NBAS: variants seen among roughly 807,000 people sequenced by gnomAD.
The protein encoded by NBAS is NBAS subunit of NRZ tethering complex.
Under a neutral mutation model 302.5 loss-of-function variants are expected in NBAS, and 219 were observed. The observed-to-expected ratio is 0.72, with a 90% confidence interval of 0.65 to 0.81. The LOEUF is 0.81. NBAS is among the 30% of genes least tolerant of loss of function. The probability of loss-of-function intolerance (pLI) is 0.00; values close to 1 mark genes in which losing one functional copy is unlikely to be tolerated. For missense variants in NBAS, 2,932 were observed against 2,841.6 expected, an observed-to-expected ratio of 1.03 and a Z score of -0.72; for synonymous variants, 1,118 against 1,021.6, an observed-to-expected ratio of 1.09 and a Z score of -1.80.
chr2:14,860,672 G>A, the NBAS span, among the ~76,000 whole-genome samples: 1 of 152,128 alleles, frequency 6.6e-6, no homozygotes, highest in Non-Finnish European at 1.5e-5. Context: ...AGTTACCAGA[G>A]GCTGGAAGGA....
the NBAS span, among the ~76,000 whole-genome samples, chr2:14,880,109 G>A: frequency 6.6e-6 from 1 of 152,224 alleles, no homozygotes; most frequent in Admixed American, 6.5e-5. Context: ...AGAAGACCCT[G>A]TTGAACAACA....
the NBAS span, among the ~76,000 whole-genome samples, chr2:14,975,353 C>T: frequency 6.6e-6 from 1 of 152,242 alleles, no homozygotes; most frequent in Non-Finnish European, 1.5e-5. Context: ...GTCACTGCCT[C>T]TTCCATCTTT....
At chr2:15,426,842 G>A (rs1259251044) in intron 22 of NBAS, among the ~76,000 whole-genome samples, 1 of 152,048 alleles carries the variant, frequency 6.6e-6, no homozygotes, top group African/African-American at 2.4e-5. Context: ...TTCGTTTGTT[G>A]GCTTCATTAT....
chr2:15,524,136 A>G (rs1662808175), intron 9 of NBAS, among the ~76,000 whole-genome samples: 1 of 152,228 alleles, frequency 6.6e-6, no homozygotes, highest in African/African-American at 2.4e-5. Flanking sequence ...GCTTTATCAT[A>G]ACCACTACTC....
At chr2:14,791,696 C>T in the NBAS span, among the ~76,000 whole-genome samples, 6 of 151,718 alleles carry the variant, frequency 4.0e-5, no homozygotes, top group Non-Finnish European at 8.8e-5. Flanking sequence ...CCCAGCTACT[C>T]GGGAAGCTGA....
chr2:15,028,549 A>C, the NBAS span, among the ~76,000 whole-genome samples: 1 of 152,336 alleles, frequency 6.6e-6, no homozygotes, highest in South Asian at 2.1e-4. Flanking sequence ...ATTGTACCGG[A>C]ATAAAATCCA....
chr2:14,947,542 C>A, the NBAS span, among the ~76,000 whole-genome samples: 5 of 152,062 alleles, frequency 3.3e-5, no homozygotes, highest in East Asian at 9.7e-4. Context: ...TTGGTAGAGT[C>A]TTTAGGTTTT....
the NBAS span, among the ~76,000 whole-genome samples, chr2:14,910,282 G>T: frequency 6.6e-6 from 1 of 152,154 alleles, no homozygotes; most frequent in South Asian, 2.1e-4. Flanking sequence ...AGGACCAGTT[G>T]CCCAAAGTCA....
At chr2:15,413,558 G>A (rs1009715646) in intron 25 of NBAS, among the ~76,000 whole-genome samples, 4 of 152,154 alleles carry the variant, frequency 2.6e-5, no homozygotes, top group African/African-American at 9.7e-5. Context: ...CCAAACAAAG[G>A]AAACAGTCTG....
In NBAS at chr2:15,352,049, A is replaced by G. The variant is rs138409950; in HGVS notation, c.4122T>C (p.His1374=). 6.2e-7 allele frequency: 1 copy of G among 1,611,388 alleles called. No individual in the cohort carries two copies. Among genetic ancestry groups the G allele is most frequent in the African/African-American group, 1.3e-5 (1 of 74,820 alleles). ...CACTGATATTTTCCCCTCCTTCATG[A>G]TGGATCTGGAAATTCACTCTTTGAT... ...ILYQRVNFQI[H]HEGGENISAS... is the part of the protein sequence containing the mutation. The change falls in exon 35 of 52, where the codon CAT becomes CAC. Residue 1374 remains histidine (H), a synonymous_variant. Transcript: ENST00000281513.
intron 40 of NBAS, among the ~76,000 whole-genome samples, chr2:15,304,215 C>T (rs1353154433): frequency 6.6e-6 from 1 of 152,164 alleles, no homozygotes; most frequent in Non-Finnish European, 1.5e-5. Context: ...TGAGTGAGTT[C>T]TCACAACATC....
At chr2:14,936,183 G>A in the NBAS span, among the ~76,000 whole-genome samples, 2 of 152,118 alleles carry the variant, frequency 1.3e-5, no homozygotes, top group Non-Finnish European at 2.9e-5. Context: ...AACAAACACT[G>A]CAGGAAAAAC....
At chr2:15,468,247 GA>G (rs1679809528) in intron 17 of NBAS, 134 bp downstream of exon 17, 9 of 1,013,508 alleles carry the variant, frequency 8.9e-6, no homozygotes, top group Admixed American at 1.9e-5. Context: ...CTTCAGGTAA[GA>G]CAGTATTGAT....
At chr2:15,181,516 G>A (rs543811438) in intron 50 of NBAS, among the ~76,000 whole-genome samples, 1 of 152,298 alleles carries the variant, frequency 6.6e-6, no homozygotes, top group South Asian at 2.1e-4. Context: ...TTTACAAAGG[G>A]ATTTGGGGAA....
chr2:15,478,266 A>G lies in NBAS; in HGVS notation c.1107T>C (p.Pro369=). 6.2e-7 allele frequency: 1 copy of G among 1,611,720 alleles called. No homozygotes were observed. Among genetic ancestry groups the G allele is most frequent in the Non-Finnish European group, 8.5e-7 (1 of 1,178,000 alleles). The part of the protein sequence containing the change: ...NEQPGYDDLN[P]DWRLSTEKRK... ...TCTTCTCAGTAGAGAGCCTCCAATC[A>G]GGATTAAGGTCATCATAGCCTGGCT... Residue 369 remains proline (P), a synonymous_variant, in exon 13 of 52, where the codon CCT becomes CCC. Transcript: ENST00000281513.
the NBAS span, among the ~76,000 whole-genome samples, chr2:14,863,718 TAGTC>T: frequency 1.3e-5 from 2 of 152,368 alleles, no homozygotes; most frequent in South Asian, 2.1e-4. Context: ...CTTGAAAAGA[TAGTC>T]AGAAACGAAT....
chr2:14,960,804 G>A, the NBAS span, among the ~76,000 whole-genome samples: 1 of 152,152 alleles, frequency 6.6e-6, no homozygotes, highest in African/African-American at 2.4e-5. Context: ...TGTTCTTAGG[G>A]ATCCAAGATG....
the NBAS span, among the ~76,000 whole-genome samples, chr2:15,060,120 T>C: frequency 2.6e-5 from 4 of 152,156 alleles, no homozygotes; most frequent in African/African-American, 9.7e-5. Flanking sequence ...ACTAGGCCTC[T>C]GCTCAGTCAT....
At chr2:15,191,649 G>A (rs1450886485) in intron 48 of NBAS, among the ~76,000 whole-genome samples, 3 of 152,094 alleles carry the variant, frequency 2.0e-5, no homozygotes, top group South Asian at 2.1e-4. Context: ...CCGGTGGCAC[G>A]ACTAGCAAGT....
Sources: gnomAD v4.1 joint callset for allele counts (sites outside exome capture counted in the v4.1 genomes callset) on GRCh38, gnomAD v4.1.1 for gene constraint, MANE v1.5 for transcripts, NCBI Gene and HGNC (gene_info 2026-07-23, HGNC 2026-07-21) for gene names.